The following CAMTA1 variants were observed in gnomAD, a reference collection of about 807,000 sequenced individuals.
CAMTA1 encodes calmodulin binding transcription activator 1.
Under a neutral mutation model 170.9 loss-of-function variants are expected in CAMTA1, and 27 were observed. That is an observed-to-expected ratio of 0.16 (90% CI 0.12 to 0.22). The LOEUF (loss-of-function observed/expected upper bound fraction) is 0.22, where lower values mean the gene tolerates loss of function less well. Among genes scored for constraint, CAMTA1 ranks in the 10% least tolerant of loss-of-function variants. CAMTA1 has a pLI of 1.00. For missense variants in CAMTA1, 1,619 were observed against 2,217.2 expected, an observed-to-expected ratio of 0.73 and a Z score of 5.42; for synonymous variants, 833 against 891.5, an observed-to-expected ratio of 0.93 and a Z score of 1.17.
chr1:7,310,056 A>G lies in CAMTA1; in HGVS notation c.438+60430A>G, dbSNP rs140734352. 2.9e-3 allele frequency among the ~76,000 whole-genome samples: 436 copies of G among 152,178 alleles called. 4 individuals are homozygous for G. The highest frequency in any genetic ancestry group is 9.9e-3 in the African/African-American group (410 of 41,506). Reference sequence around the variant, plus strand: ...ACTTCTGGTATCTAATTTTCCTTCCATCTGAAGAACTTCTTTTAGAAATTT... The same window carrying G: ...ACTTCTGGTATCTAATTTTCCTTCCGTCTGAAGAACTTCTTTTAGAAATTT... On this transcript the variant is annotated intron_variant, in intron 5 of 22. Coordinates refer to ENST00000303635, the MANE Select transcript of CAMTA1 (RefSeq NM_015215.4).
intron 6 of CAMTA1, 148 bp from the exon 7 acceptor site, chr1:7,640,252 A>G: frequency 1.2e-6 from 1 of 811,780 alleles, no homozygotes; most frequent in Non-Finnish European, 1.9e-6. Context: ...CCACAGAACC[A>G]TCTGGCTGCA....
intron 21 of CAMTA1, among the ~76,000 whole-genome samples, chr1:7,754,718 G>A (rs1280353078): frequency 6.6e-6 from 1 of 152,164 alleles, no homozygotes; most frequent in Admixed American, 6.5e-5. Flanking sequence ...CTGGATTCCT[G>A]TGCATTAATT....
chr1:7,301,977 G>T (rs1010646353), intron 5 of CAMTA1, among the ~76,000 whole-genome samples: 1 of 152,144 alleles, frequency 6.6e-6, no homozygotes, highest in African/African-American at 2.4e-5. Flanking sequence ...GGCTTCGGGG[G>T]TAAACTTCCA....
At chr1:7,556,347 A>AG (rs2094877140) in intron 6 of CAMTA1, among the ~76,000 whole-genome samples, 2 of 152,108 alleles carry the variant, frequency 1.3e-5, no homozygotes, top group South Asian at 2.1e-4. Context: ...GACCAGCCCT[A>AG]GGGGGGCAGT....
chr1:7,476,022 G>T (rs188705658), intron 6 of CAMTA1, among the ~76,000 whole-genome samples: 7 of 152,344 alleles, frequency 4.6e-5, no homozygotes, highest in Admixed American at 4.6e-4. Flanking sequence ...GCAAGAGAAA[G>T]GTTGACCGAC....
At chr1:7,378,296 G>C (rs1351042181) in intron 5 of CAMTA1, among the ~76,000 whole-genome samples, 1 of 152,196 alleles carries the variant, frequency 6.6e-6, no homozygotes, top group East Asian at 1.9e-4. Context: ...AGAGATCCTA[G>C]CTTCAGAGAG....
intron 11 of CAMTA1, among the ~76,000 whole-genome samples, chr1:7,731,856 C>T (rs550641573): frequency 3.9e-5 from 6 of 152,118 alleles, no homozygotes; most frequent in South Asian, 2.1e-4. Flanking sequence ...CCAGTCTGGG[C>T]GACAACGTGA....
At chr1:7,026,643 T>C (rs1702059655) in intron 3 of CAMTA1, among the ~76,000 whole-genome samples, 1 of 149,476 alleles carries the variant, frequency 6.7e-6, no homozygotes, top group Non-Finnish European at 1.5e-5. Context: ...TGCTTTTTTT[T>C]TTTTTTTTTT....
chr1:7,199,061 C>G (rs548372470), intron 4 of CAMTA1, among the ~76,000 whole-genome samples: 566 of 152,334 alleles, frequency 3.7e-3, no homozygotes, highest in African/African-American at 0.013. Flanking sequence ...TTTTCCCCCC[C>G]ACTTCTCTCC....
At chr1:7,397,354 T>C (rs2089405323) in intron 5 of CAMTA1, among the ~76,000 whole-genome samples, 1 of 146,940 alleles carries the variant, frequency 6.8e-6, no homozygotes, top group South Asian at 2.1e-4. Flanking sequence ...TCATCTCTGA[T>C]TTTTTTTAAA....
chr1:7,239,694 A>T (rs1664522500), intron 4 of CAMTA1, among the ~76,000 whole-genome samples: 1 of 121,008 alleles, frequency 8.3e-6, no homozygotes, highest in South Asian at 2.6e-4. Flanking sequence ...GGGATGTCTT[A>T]GTCCATTTGT....
intron 6 of CAMTA1, among the ~76,000 whole-genome samples, chr1:7,639,075 T>A (rs769377737): frequency 4.3e-4 from 66 of 152,156 alleles, no homozygotes; most frequent in Non-Finnish European, 7.5e-4. Flanking sequence ...GCCTCCCAGA[T>A]TCACGCCATT....
chr1:6,915,177 T>C (rs1295514524), intron 3 of CAMTA1, among the ~76,000 whole-genome samples: 1 of 152,228 alleles, frequency 6.6e-6, no homozygotes, highest in East Asian at 1.9e-4. Flanking sequence ...TGGATTCCTC[T>C]ACTTTGTCAG....
At chr1:6,819,771 A>G (rs1401872498) in intron 1 of CAMTA1, among the ~76,000 whole-genome samples, 1 of 152,184 alleles carries the variant, frequency 6.6e-6, no homozygotes, top group Non-Finnish European at 1.5e-5. Context: ...TTGATCATGT[A>G]CTTCCTACAA....
At chr1:7,391,033 T>C (rs149863896) in intron 5 of CAMTA1, among the ~76,000 whole-genome samples, 2,039 of 152,094 alleles carry the variant, frequency 0.013, 46 homozygotes, top group African/African-American at 0.046. Context: ...GTTTTGCTCT[T>C]GTTGCCCGGG....
intron 6 of CAMTA1, among the ~76,000 whole-genome samples, chr1:7,603,576 C>T (rs942168150): frequency 6.6e-6 from 1 of 152,126 alleles, no homozygotes; most frequent in Non-Finnish European, 1.5e-5. Flanking sequence ...CTATGTGTGT[C>T]TCTGCACGTG....
rs1348775145 is a variant in CAMTA1, at chr1:7,602,166, C to A, written c.511-38234C>A. On this transcript the variant is annotated intron_variant, in intron 6 of 22. Coordinates refer to ENST00000303635, the MANE Select transcript of CAMTA1 (RefSeq NM_015215.4). ...TTCCTCCCTCCCTCCCTCCCTCCTC[C>A]CTTCCCTTCCCCTCCCCTCGATTCC... is the stretch of plus-strand genomic sequence containing the variant. 2.1e-5 allele frequency among the ~76,000 whole-genome samples: 3 copies of A among 140,276 alleles called. No homozygotes were observed. The East Asian group carries it at 7.0e-4, about 33-fold the overall frequency. The allele number at this position is 140,276 out of a possible 152,430, so 92.0% of individuals were successfully genotyped here. A position where few individuals can be genotyped will look rare whatever the true frequency, so the allele number is the denominator to read the frequency against.
At chr1:7,206,103 C>CTT (rs1176145683) in intron 4 of CAMTA1, among the ~76,000 whole-genome samples, 6 of 152,226 alleles carry the variant, frequency 3.9e-5, no homozygotes, top group Non-Finnish European at 8.8e-5. Flanking sequence ...ATTATGAAGG[C>CTT]TTTGTAGTAT....
chr1:7,105,902 C>T (rs142322866), intron 4 of CAMTA1, among the ~76,000 whole-genome samples: 58 of 151,670 alleles, frequency 3.8e-4, no homozygotes, highest in African/African-American at 1.3e-3. Context: ...GATCACGCAC[C>T]GTACTCCAGC....
Sources: gnomAD v4.1 joint callset for allele counts (sites outside exome capture counted in the v4.1 genomes callset) on GRCh38, gnomAD v4.1.1 for gene constraint, MANE v1.5 for transcripts, NCBI Gene and HGNC (gene_info 2026-07-23, HGNC 2026-07-21) for gene names.